The following EXOC2 variants were observed in gnomAD, a reference collection of about 807,000 sequenced individuals.
The protein encoded by EXOC2 is exocyst complex component 2, also known as SEC5-like 1.
EXOC2 carries 70 observed loss-of-function variants against 131.8 expected under a neutral mutation model. The observed-to-expected ratio is 0.53, with a 90% CI of 0.44 to 0.65. The LOEUF is 0.65. Among genes scored for constraint, EXOC2 ranks in the 30% least tolerant of loss-of-function variants. EXOC2 has a pLI of 0.00. For synonymous variants in EXOC2, 411 were observed against 398.4 expected (o/e 1.03, Z -0.38); for missense variants, 923 against 1,108.6 (o/e 0.83, Z 2.38).
intron 1 of EXOC2, among the ~76,000 whole-genome samples, chr6:648,693 C>A (rs986884673): frequency 6.7e-6 from 1 of 149,260 alleles, no homozygotes; most frequent in Non-Finnish European, 1.5e-5. Flanking sequence ...CCTAAAAGCA[C>A]ATACCACAAA....
At position 599,225 on chromosome 6, in the gene EXOC2, C is replaced by A; in HGVS notation, c.743G>T (p.Arg248Ile). The change falls in exon 8 of 28, where the codon AGA (arginine) becomes ATA (isoleucine). Residue 248 changes from arginine to isoleucine, a missense_variant and splice_region_variant. By Grantham distance (97) the Arg-to-Ile change is moderately conservative. Transcript: ENST00000230449. ...MTQKLENVLN[R>I]ASNTADTLFQ... Reference sequence around the variant, plus strand: ...CAATGTGTCTGCAGTATTACTTGCTCCTGTTTTAAAAAGAGGAAAGGAAAC... The same window carrying A: ...CAATGTGTCTGCAGTATTACTTGCTACTGTTTTAAAAAGAGGAAAGGAAAC... The A allele has an allele frequency of 6.5e-7, 1 of 1,549,428 alleles. No individual in the cohort carries two copies. The highest frequency in any genetic ancestry group is 1.3e-5 in the South Asian group (1 of 79,000).
chr6:514,077 C>A (rs147890270), intron 23 of EXOC2, among the ~76,000 whole-genome samples: 3 of 152,320 alleles, frequency 2.0e-5, no homozygotes, highest in African/African-American at 7.2e-5. Context: ...TGCTCCTTGA[C>A]GGCTGTAGAC....
At chr6:614,973 G>A (rs1760908626) in intron 6 of EXOC2, among the ~76,000 whole-genome samples, 1 of 151,616 alleles carries the variant, frequency 6.6e-6, no homozygotes, top group African/African-American at 2.4e-5. Context: ...ACACAAAAAA[G>A]ATATCTCTGA....
chr6:600,856 T>G (rs1178217073), intron 7 of EXOC2, among the ~76,000 whole-genome samples: 1 of 152,184 alleles, frequency 6.6e-6, no homozygotes, highest in Non-Finnish European at 1.5e-5. Flanking sequence ...ACTGACAAAT[T>G]ATAAGTTATG....
At chr6:677,760 C>T (rs1764211759) in intron 1 of EXOC2, among the ~76,000 whole-genome samples, 1 of 152,190 alleles carries the variant, frequency 6.6e-6, no homozygotes, top group Admixed American at 6.5e-5. Flanking sequence ...AGCCACTGCG[C>T]CCAGCCTTAT....
chr6:677,244 A>G (rs576542607), intron 1 of EXOC2, among the ~76,000 whole-genome samples: 1 of 152,078 alleles, frequency 6.6e-6, no homozygotes, highest in Admixed American at 6.5e-5. Context: ...ACTCTTCAAC[A>G]TTACGGAAAG....
intron 27 of EXOC2, among the ~76,000 whole-genome samples, chr6:488,294 C>T (rs957097976): frequency 6.6e-6 from 1 of 152,194 alleles, no homozygotes; most frequent in Non-Finnish European, 1.5e-5. Flanking sequence ...ACCACATGTG[C>T]CTGTCTATGG....
intron 1 of EXOC2, among the ~76,000 whole-genome samples, chr6:668,122 T>G (rs75112202): frequency 0.015 from 2,216 of 152,342 alleles, 57 homozygotes; most frequent in African/African-American, 0.05. Flanking sequence ...GAATAGGATA[T>G]GTCTGAGTGT....
At chr6:646,603 T>C (rs989402669) in intron 1 of EXOC2, among the ~76,000 whole-genome samples, 1 of 152,256 alleles carries the variant, frequency 6.6e-6, no homozygotes, top group Non-Finnish European at 1.5e-5. Flanking sequence ...TCATTGTTCC[T>C]GAAAATTGAA....
intron 1 of EXOC2, among the ~76,000 whole-genome samples, chr6:666,340 C>T (rs986912200): frequency 4.6e-5 from 7 of 152,190 alleles, no homozygotes; most frequent in African/African-American, 1.7e-4. Flanking sequence ...GTAAAGGCAT[C>T]TTCACCACGG....
intron 1 of EXOC2, chr6:656,159 A>T: frequency 6.2e-7 from 1 of 1,614,120 alleles, no homozygotes; most frequent in Non-Finnish European, 8.5e-7. Flanking sequence ...GAACCAAAAC[A>T]AGCTGAAGAA....
At position 555,359 on chromosome 6, in the gene EXOC2, AAGAT is replaced by A. The variant is rs1757363495; in HGVS notation, c.1993-75_1993-72del. 1.1e-5 allele frequency: 11 copies of A among 990,186 alleles called. 1 individual carries two copies. In the South Asian group the frequency reaches 2.2e-4, roughly 20 times the overall value. 61.3% of individuals were successfully genotyped at this position (990,186 alleles called of 1,614,324 possible). A position where few individuals can be genotyped will look rare whatever the true frequency, so the allele number is the denominator to read the frequency against. On this transcript the variant is annotated intron_variant, in intron 19 of 27. Transcript: ENST00000230449. ...TAGACATTAATCTATTTGGACACTA[AAGAT>A]AACTTTACATAAAGTAGAATTATAT...
At chr6:572,484 A>T in intron 13 of EXOC2, 36 bp downstream of exon 13, 2 of 1,582,180 alleles carry the variant, frequency 1.3e-6, no homozygotes, top group South Asian at 2.3e-5. Flanking sequence ...ATGCACGGTG[A>T]CTCAGCTCCA....
intron 13 of EXOC2, among the ~76,000 whole-genome samples, chr6:569,381 G>A (rs1758145911): frequency 6.6e-6 from 1 of 152,168 alleles, no homozygotes; most frequent in Non-Finnish European, 1.5e-5. Flanking sequence ...GCCTTCACTG[G>A]CTTGAAGAAC....
At chr6:644,695 T>C (rs1264723940) in intron 1 of EXOC2, among the ~76,000 whole-genome samples, 1 of 152,154 alleles carries the variant, frequency 6.6e-6, no homozygotes, top group East Asian at 1.9e-4. Context: ...TATTTACATA[T>C]TTTAGTAGGA....
intron 1 of EXOC2, among the ~76,000 whole-genome samples, chr6:682,202 T>TC (rs1554151157): frequency 0.1 from 14,106 of 135,278 alleles, 734 homozygotes; most frequent in Admixed American, 0.14. Context: ...CCAGTTTCTT[T>TC]TTTTTTTTTT....
At chr6:689,334 T>G (rs1289108318) in intron 1 of EXOC2, 2 of 152,258 alleles carry the variant, frequency 1.3e-5, no homozygotes, top group African/African-American at 4.8e-5. Flanking sequence ...TTCAGGAAGC[T>G]TTTGAGCTGG....
rs139006124 is a variant in EXOC2, at chr6:668,082, T to C, written c.-44+24937A>G. The stretch of plus-strand genomic sequence containing the variant: ...TATAGAAAGGTGCTTCTTTCAAGAG[T>C]TTCTATTGGTTTTTGATTTTCTGCA... On this transcript the variant is annotated intron_variant, in intron 1 of 27. Coordinates refer to ENST00000230449, the MANE Select transcript of EXOC2 (RefSeq NM_018303.6). Among the ~76,000 whole-genome samples, 240 of 152,288 alleles carry C rather than the reference T, an allele frequency of 1.6e-3. 1 individual carries two copies. Among genetic ancestry groups the C allele is most frequent in the African/African-American group, 5.6e-3 (232 of 41,548 alleles).
At chr6:513,847 G>A (rs1405375320) in intron 23 of EXOC2, among the ~76,000 whole-genome samples, 1 of 152,162 alleles carries the variant, frequency 6.6e-6, no homozygotes, top group African/African-American at 2.4e-5. Flanking sequence ...TAATAACATT[G>A]CCTTTAATTT....
Sources: allele counts gnomAD v4.1 joint callset (sites outside exome capture counted in the v4.1 genomes callset), GRCh38; gene constraint gnomAD v4.1.1; transcripts MANE v1.5; gene names NCBI Gene and HGNC (gene_info 2026-07-23, HGNC 2026-07-21).